The following SHOC2 variants were observed in gnomAD, a reference collection of about 807,000 sequenced individuals.
SHOC2 encodes the protein leucine-rich repeat protein SHOC-2.
A neutral mutation model predicts 50.2 loss-of-function variants in SHOC2; 4 were observed. The ratio of observed to expected loss-of-function variants is 0.08; its 90% CI spans 0.04 to 0.18. SHOC2 has a LOEUF of 0.18. Among genes scored for constraint, SHOC2 ranks in the 10% least tolerant of loss-of-function variants. The pLI is 1.00. For synonymous variants in SHOC2, 218 were observed against 244.5 expected, an observed-to-expected ratio of 0.89 and a Z score of 1.01; for missense variants, 388 against 669.6, an observed-to-expected ratio of 0.58 and a Z score of 4.64.
At chr10:110,951,481 TAA>T (rs1037243934) in intron 1 of SHOC2, 15 of 152,184 alleles carry the variant, frequency 9.9e-5, no homozygotes, top group African/African-American at 3.6e-4. Context: ...TGGAGTTTCA[TAA>T]AAAAATTAAA....
chr10:110,941,129 C>T (rs7915214), intron 1 of SHOC2, among the ~76,000 whole-genome samples: 78,198 of 151,094 alleles, frequency 0.52, 24,085 homozygotes, highest in Non-Finnish European at 0.69. Flanking sequence ...TACATTATTT[C>T]TCTCTCCCCA....
At chr10:110,947,656 T>C (rs1847271441) in intron 1 of SHOC2, among the ~76,000 whole-genome samples, 1 of 152,098 alleles carries the variant, frequency 6.6e-6, no homozygotes, top group Non-Finnish European at 1.5e-5. Context: ...TGAAATTAAA[T>C]TTTTATCAGC....
intron 3 of SHOC2, among the ~76,000 whole-genome samples, chr10:110,999,729 T>C (rs1848331944): frequency 1.4e-5 from 1 of 73,064 alleles, no homozygotes; most frequent in South Asian, 5.5e-4. Flanking sequence ...AGAGTGAGAC[T>C]CAGTCTCAAA....
chr10:111,010,110 GTTATT>G (rs1848540177), intron 8 of SHOC2, among the ~76,000 whole-genome samples: 1 of 151,978 alleles, frequency 6.6e-6, no homozygotes, highest in Non-Finnish European at 1.5e-5. Context: ...CATTTTAGAA[GTTATT>G]TTATATTCCT....
At chr10:110,929,872 C>T (rs998342927) in intron 1 of SHOC2, among the ~76,000 whole-genome samples, 1 of 152,194 alleles carries the variant, frequency 6.6e-6, no homozygotes, top group African/African-American at 2.4e-5. Flanking sequence ...GTAGTTAATA[C>T]ATACCAGTTG....
chr10:110,998,103 C>T (rs1287244965), intron 3 of SHOC2, among the ~76,000 whole-genome samples: 2 of 151,574 alleles, frequency 1.3e-5, no homozygotes, highest in African/African-American at 2.4e-5. Flanking sequence ...GGGTTCAAGC[C>T]ATTCTCCTTC....
intron 1 of SHOC2, among the ~76,000 whole-genome samples, chr10:110,946,761 G>A (rs373943114): frequency 3.3e-5 from 5 of 152,168 alleles, no homozygotes; most frequent in African/African-American, 1.2e-4. Flanking sequence ...AGCTAGACAA[G>A]TGTAGGGGCT....
chr10:110,997,238 G>A (rs1178185595), intron 3 of SHOC2, among the ~76,000 whole-genome samples: 3 of 152,092 alleles, frequency 2.0e-5, no homozygotes, highest in Non-Finnish European at 4.4e-5. Context: ...AAATATCTCT[G>A]TAATGTAAAA....
intron 1 of SHOC2, among the ~76,000 whole-genome samples, chr10:110,955,716 A>G (rs1200458989): frequency 6.6e-6 from 1 of 152,226 alleles, no homozygotes; most frequent in Non-Finnish European, 1.5e-5. Context: ...TCTGTTTTCT[A>G]TAATTTTTGT....
intron 1 of SHOC2, among the ~76,000 whole-genome samples, chr10:110,935,333 G>T (rs1002452207): frequency 4.6e-5 from 7 of 152,270 alleles, no homozygotes; most frequent in African/African-American, 1.7e-4. Context: ...CAGCAGTTTG[G>T]CTACAGAGTC....
chr10:110,929,332 T>C (rs954047454), intron 1 of SHOC2, among the ~76,000 whole-genome samples: 1 of 152,216 alleles, frequency 6.6e-6, no homozygotes, highest in Admixed American at 6.5e-5. Flanking sequence ...CTTCCTGGCA[T>C]GATTTAAATA....
chr10:110,975,387 C>T (rs1317965895), intron 2 of SHOC2, among the ~76,000 whole-genome samples: 5 of 152,150 alleles, frequency 3.3e-5, no homozygotes, highest in Non-Finnish European at 7.4e-5. Context: ...CGTGATCTGC[C>T]TGCCTCGGCC....
At chr10:110,920,916 T>G (rs1014242342) in intron 1 of SHOC2, among the ~76,000 whole-genome samples, 3 of 152,250 alleles carry the variant, frequency 2.0e-5, no homozygotes, top group African/African-American at 7.2e-5. Flanking sequence ...GCGTCTAGTT[T>G]CTACTCAAGA....
intron 1 of SHOC2, chr10:110,951,940 G>A (rs1847361352): frequency 6.6e-6 from 1 of 152,226 alleles, no homozygotes; most frequent in Non-Finnish European, 1.5e-5. Context: ...TTACAGGTGT[G>A]AGCCACCACG....
intron 1 of SHOC2, among the ~76,000 whole-genome samples, chr10:110,960,092 T>C (rs924183549): frequency 6.6e-6 from 1 of 152,252 alleles, no homozygotes; most frequent in Non-Finnish European, 1.5e-5. Flanking sequence ...CATAAAAATA[T>C]AGTTCCTGAA....
chr10:110,925,570 A>T (rs920711596), intron 1 of SHOC2, among the ~76,000 whole-genome samples: 1 of 152,102 alleles, frequency 6.6e-6, no homozygotes, highest in Non-Finnish European at 1.5e-5. Flanking sequence ...TGATCCTCCC[A>T]CTTTAACCTC....
chr10:110,934,483 TTATAC>T (rs1474306603), intron 1 of SHOC2, among the ~76,000 whole-genome samples: 5 of 152,296 alleles, frequency 3.3e-5, no homozygotes, highest in Admixed American at 6.5e-5. Context: ...ATACATAAAG[TTATAC>T]TATGCTGTCA....
intron 1 of SHOC2, among the ~76,000 whole-genome samples, chr10:110,940,182 G>T (rs1847107649): frequency 6.6e-6 from 1 of 152,164 alleles, no homozygotes; most frequent in African/African-American, 2.4e-5. Flanking sequence ...TGTGGATTTT[G>T]TGTATTTTGT....
chr10:110,934,329 T>C (rs1423947126), intron 1 of SHOC2, among the ~76,000 whole-genome samples: 1 of 151,952 alleles, frequency 6.6e-6, no homozygotes, highest in African/African-American at 2.4e-5. Context: ...AACCTAAATA[T>C]CAGTTGATAA....
Sources: allele counts gnomAD v4.1 joint callset (sites outside exome capture counted in the v4.1 genomes callset), GRCh38; gene constraint gnomAD v4.1.1; transcripts MANE v1.5; gene names NCBI Gene and HGNC (gene_info 2026-07-23, HGNC 2026-07-21).